Variants in CRB1 observed in about 807,000 individuals in gnomAD.
CRB1 encodes the protein crumbs cell polarity complex component 1.
A neutral mutation model predicts 120.0 loss-of-function variants in CRB1; 83 were observed. That is an observed-to-expected ratio of 0.69 (90% confidence interval 0.58 to 0.83). CRB1 has a LOEUF of 0.83. Among genes scored for constraint, CRB1 ranks in the 40% least tolerant of loss-of-function variants. The pLI is 0.00. For synonymous variants in CRB1, 625 were observed against 612.5 expected (o/e 1.02, Z -0.30); for missense variants, 1,699 against 1,687.6 (o/e 1.01, Z -0.12).
the CRB1 span, among the ~76,000 whole-genome samples, chr1:197,231,722 C>T: frequency 6.6e-6 from 1 of 152,130 alleles, no homozygotes; most frequent in African/African-American, 2.4e-5. Flanking sequence ...TCACCAGATA[C>T]CTAGTTTCCA....
chr1:197,455,234 A>G (rs1225778925), intron 11 of CRB1, among the ~76,000 whole-genome samples: 1 of 152,192 alleles, frequency 6.6e-6, no homozygotes, highest in Non-Finnish European at 1.5e-5. Context: ...ATTGACATCT[A>G]TCACAGATCA....
At chr1:197,303,909 G>C (rs1283461106) in intron 1 of CRB1, among the ~76,000 whole-genome samples, 1 of 152,110 alleles carries the variant, frequency 6.6e-6, no homozygotes, top group Non-Finnish European at 1.5e-5. Context: ...TGTAGCATGA[G>C]CCCAGGAGTT....
chr1:197,275,873 C>T (rs1655179578), intron 1 of CRB1, among the ~76,000 whole-genome samples: 1 of 151,642 alleles, frequency 6.6e-6, no homozygotes, highest in Non-Finnish European at 1.5e-5. Flanking sequence ...ATTTGTTGTG[C>T]TTATTAATAA....
intron 1 of CRB1, among the ~76,000 whole-genome samples, chr1:197,294,823 G>A (rs974638296): frequency 2.0e-5 from 3 of 152,058 alleles, no homozygotes; most frequent in African/African-American, 4.8e-5. Context: ...ACCAAACACC[G>A]CATGTTCTCA....
chr1:197,381,971 T>C (rs574484270), intron 5 of CRB1, among the ~76,000 whole-genome samples: 1 of 152,284 alleles, frequency 6.6e-6, no homozygotes, highest in South Asian at 2.1e-4. Context: ...TCCTTTAGAC[T>C]GGAAGAGGTT....
intron 11 of CRB1, among the ~76,000 whole-genome samples, chr1:197,455,241 A>G (rs1305321213): frequency 1.3e-5 from 2 of 152,194 alleles, no homozygotes; most frequent in African/African-American, 4.8e-5. Flanking sequence ...TCTATCACAG[A>G]TCATTCAGAA....
the CRB1 span, among the ~76,000 whole-genome samples, chr1:197,244,419 AT>A: frequency 1.3e-5 from 2 of 150,806 alleles, no homozygotes; most frequent in Non-Finnish European, 3.0e-5. Flanking sequence ...TCCTTAAAAT[AT>A]TTTTTTTTCT....
intron 11 of CRB1, among the ~76,000 whole-genome samples, chr1:197,461,439 G>A (rs1156384219): frequency 6.6e-6 from 1 of 152,116 alleles, no homozygotes; most frequent in Non-Finnish European, 1.5e-5. Context: ...AGAGCCTGGG[G>A]TGGGTTATGA....
intron 1 of CRB1, among the ~76,000 whole-genome samples, chr1:197,276,361 T>G (rs951642436): frequency 5.9e-5 from 9 of 151,750 alleles, no homozygotes; most frequent in African/African-American, 2.2e-4. Context: ...ATATTAAAAT[T>G]TACTATTTAT....
At chr1:197,393,090 G>C (rs1662591803) in intron 5 of CRB1, among the ~76,000 whole-genome samples, 1 of 152,054 alleles carries the variant, frequency 6.6e-6, no homozygotes, top group African/African-American at 2.4e-5. Context: ...AGTTAGGGCT[G>C]TTAATCAAAT....
chr1:197,317,071 G>C (rs967698228), intron 1 of CRB1, among the ~76,000 whole-genome samples: 9 of 152,176 alleles, frequency 5.9e-5, no homozygotes, highest in African/African-American at 2.2e-4. Flanking sequence ...TTGTTAAAAT[G>C]TCCGTACAAT....
chr1:197,249,913 A>G, the CRB1 span, among the ~76,000 whole-genome samples: 3 of 151,962 alleles, frequency 2.0e-5, no homozygotes, highest in African/African-American at 7.2e-5. Flanking sequence ...TCTTTCCCCT[A>G]TGTACACACT....
chr1:197,256,731 T>C, the CRB1 span, among the ~76,000 whole-genome samples: 3 of 151,738 alleles, frequency 2.0e-5, no homozygotes, highest in Non-Finnish European at 2.9e-5. Flanking sequence ...GAATATAGTA[T>C]AAGCATGGCA....
chr1:197,429,793 C>G (rs1371251073), intron 8 of CRB1, among the ~76,000 whole-genome samples, 179 bp downstream of exon 8: 1 of 152,170 alleles, frequency 6.6e-6, no homozygotes, highest in Non-Finnish European at 1.5e-5. Context: ...CCCTTGGTGG[C>G]TGTCTGGATA....
At chr1:197,466,575 C>T (rs529458693) in intron 11 of CRB1, among the ~76,000 whole-genome samples, 1 of 152,158 alleles carries the variant, frequency 6.6e-6, no homozygotes, top group African/African-American at 2.4e-5. Flanking sequence ...GTCAAATTAT[C>T]CTTATATGCT....
chr1:197,372,425 CAT>C (rs1364828477), intron 5 of CRB1, among the ~76,000 whole-genome samples: 1 of 152,170 alleles, frequency 6.6e-6, no homozygotes, highest in Non-Finnish European at 1.5e-5. Context: ...CACATACAAA[CAT>C]ATAACACAAA....
At chr1:197,289,911 A>G (rs1251425943) in intron 1 of CRB1, among the ~76,000 whole-genome samples, 1 of 151,588 alleles carries the variant, frequency 6.6e-6, no homozygotes, top group Non-Finnish European at 1.5e-5. Flanking sequence ...CTCTAAAGTT[A>G]TATATCTTAT....
the CRB1 span, among the ~76,000 whole-genome samples, chr1:197,254,400 AAT>A: frequency 6.6e-6 from 1 of 152,118 alleles, no homozygotes; most frequent in Non-Finnish European, 1.5e-5. Context: ...TTTTGAAATT[AAT>A]GTTGATGTCA....
At chr1:197,471,660 T>A (rs1293139955) in intron 11 of CRB1, among the ~76,000 whole-genome samples, 1 of 152,230 alleles carries the variant, frequency 6.6e-6, no homozygotes, top group African/African-American at 2.4e-5. Context: ...TTCTCTCTTT[T>A]GGCTTTTTAA....
Sources: gnomAD v4.1 joint callset for allele counts (sites outside exome capture counted in the v4.1 genomes callset) on GRCh38, gnomAD v4.1.1 for gene constraint, MANE v1.5 for transcripts, NCBI Gene and HGNC (gene_info 2026-07-23, HGNC 2026-07-21) for gene names.